The following STX8 variants were observed in gnomAD, a reference collection of about 807,000 sequenced individuals.
STX8 encodes the protein syntaxin-8.
A neutral mutation model predicts 37.5 loss-of-function variants in STX8; 23 were observed. The observed-to-expected ratio is 0.61, with a 90% CI of 0.44 to 0.87. The LOEUF is 0.87. Among genes scored for constraint, STX8 ranks in the 40% least tolerant of loss-of-function variants. STX8 has a pLI of 0.00. For missense variants in STX8, 313 were observed against 284.7 expected (o/e 1.10, Z -0.71); for synonymous variants, 115 against 99.1 (o/e 1.16, Z -0.95).
chr17:9,410,911 T>C (rs2142333402), intron 6 of STX8, among the ~76,000 whole-genome samples: 1 of 152,242 alleles, frequency 6.6e-6, no homozygotes, highest in Admixed American at 6.5e-5. Flanking sequence ...TCTCAAAAAA[T>C]CTCAACTCAT....
At chr17:9,480,077 C>A (rs1332639133) in intron 6 of STX8, among the ~76,000 whole-genome samples, 1 of 152,162 alleles carries the variant, frequency 6.6e-6, no homozygotes, top group Non-Finnish European at 1.5e-5. Flanking sequence ...TCAAACCATG[C>A]CAGTTCTTCT....
intron 7 of STX8, among the ~76,000 whole-genome samples, chr17:9,336,405 TC>T (rs1216084971): frequency 2.8e-4 from 42 of 151,700 alleles, no homozygotes; most frequent in East Asian, 5.8e-4. Flanking sequence ...TTCCCCTTCC[TC>T]CCTTCCTTCC....
intron 7 of STX8, among the ~76,000 whole-genome samples, chr17:9,353,502 T>C (rs564622229): frequency 2.6e-5 from 4 of 152,314 alleles, no homozygotes; most frequent in East Asian, 1.9e-4. Context: ...CCATGATACT[T>C]CCAATTCAAA....
intron 6 of STX8, among the ~76,000 whole-genome samples, chr17:9,438,949 C>T (rs944878632): frequency 6.6e-6 from 1 of 151,598 alleles, no homozygotes; most frequent in Non-Finnish European, 1.5e-5. Flanking sequence ...AAAACAACAA[C>T]AAAAAAAACC....
intron 6 of STX8, among the ~76,000 whole-genome samples, chr17:9,424,285 G>C (rs1202426033): frequency 6.6e-6 from 1 of 151,978 alleles, no homozygotes; most frequent in Admixed American, 6.6e-5. Context: ...CGCATTCCTC[G>C]TTCCCTGGGG....
chr17:9,388,674 A>C (rs531526873), intron 6 of STX8, among the ~76,000 whole-genome samples: 1 of 151,970 alleles, frequency 6.6e-6, no homozygotes, highest in East Asian at 2.0e-4. Flanking sequence ...GTGGTGGTGC[A>C]TGCCTGTAAT....
intron 5 of STX8, 58 bp from the exon 6 acceptor site, chr17:9,491,979 A>G (rs1219675051): frequency 9.6e-6 from 12 of 1,252,368 alleles, no homozygotes; most frequent in Non-Finnish European, 1.4e-5. Flanking sequence ...CTTAAAGTCC[A>G]TAAGTATACC....
At chr17:9,335,462 C>G (rs1363860335) in intron 7 of STX8, among the ~76,000 whole-genome samples, 1 of 152,146 alleles carries the variant, frequency 6.6e-6, no homozygotes, top group Admixed American at 6.5e-5. Context: ...AAGGTCTCAC[C>G]TCTTAAGACC....
At chr17:9,567,842 C>A (rs115790318) in intron 2 of STX8, among the ~76,000 whole-genome samples, 1 of 152,050 alleles carries the variant, frequency 6.6e-6, no homozygotes, top group African/African-American at 2.4e-5. Flanking sequence ...TGTGCCACCA[C>A]GCCTGGCTAG....
At chr17:9,537,478 T>C (rs970836989) in intron 4 of STX8, among the ~76,000 whole-genome samples, 2 of 152,206 alleles carry the variant, frequency 1.3e-5, no homozygotes, top group African/African-American at 2.4e-5. Flanking sequence ...CGGAGTCACC[T>C]TTACGTGACA....
At chr17:9,479,167 G>A (rs963461230) in intron 6 of STX8, among the ~76,000 whole-genome samples, 5 of 152,042 alleles carry the variant, frequency 3.3e-5, no homozygotes, top group African/African-American at 4.8e-5. Context: ...CCCCAAAAGT[G>A]GCTAAACTCT....
At chr17:9,266,071 C>G (rs1387344673) in intron 7 of STX8, among the ~76,000 whole-genome samples, 1 of 152,120 alleles carries the variant, frequency 6.6e-6, no homozygotes, top group African/African-American at 2.4e-5. Context: ...ACTAGGGTGC[C>G]TTCCTACACG....
At chr17:9,462,282 G>A (rs1207826043) in intron 6 of STX8, among the ~76,000 whole-genome samples, 1 of 152,174 alleles carries the variant, frequency 6.6e-6, no homozygotes. Flanking sequence ...GACAAGAAAG[G>A]CAGAAAGGAG....
chr17:9,289,787 C>CAAACA (rs1555589511), intron 7 of STX8, among the ~76,000 whole-genome samples: 1 of 150,612 alleles, frequency 6.6e-6, no homozygotes, highest in African/African-American at 2.4e-5. Context: ...CTCAAAAAAA[C>CAAACA]AAAAACAAAA....
At chr17:9,343,298 C>T (rs1910434912) in intron 7 of STX8, among the ~76,000 whole-genome samples, 1 of 152,114 alleles carries the variant, frequency 6.6e-6, no homozygotes, top group African/African-American at 2.4e-5. Flanking sequence ...GCTCAGTTTA[C>T]CCAGAGACAG....
At chr17:9,442,757 G>A in intron 6 of STX8, among the ~76,000 whole-genome samples, 1 of 152,106 alleles carries the variant, frequency 6.6e-6, no homozygotes, top group Non-Finnish European at 1.5e-5. Flanking sequence ...CAAAAGAAGT[G>A]AATAGTGGAG....
chr17:9,352,208 G>T (rs915269703), intron 7 of STX8, among the ~76,000 whole-genome samples: 3 of 150,438 alleles, frequency 2.0e-5, no homozygotes, highest in Non-Finnish European at 4.4e-5. Context: ...AATCCAGGTT[G>T]TCATACTCCT....
chr17:9,438,970 A>C (rs1904544183), intron 6 of STX8, among the ~76,000 whole-genome samples: 1 of 152,118 alleles, frequency 6.6e-6, no homozygotes, highest in Admixed American at 6.6e-5. Flanking sequence ...ATAGTCAAAC[A>C]AACATGGCTG....
At chr17:9,438,503 G>A (rs1904524846) in intron 6 of STX8, among the ~76,000 whole-genome samples, 1 of 152,084 alleles carries the variant, frequency 6.6e-6, no homozygotes, top group African/African-American at 2.4e-5. Flanking sequence ...GGGAAACACG[G>A]CTTTAGACCA....
Sources: allele counts gnomAD v4.1 joint callset (sites outside exome capture counted in the v4.1 genomes callset), GRCh38; gene constraint gnomAD v4.1.1; transcripts MANE v1.5; gene names NCBI Gene and HGNC (gene_info 2026-07-23, HGNC 2026-07-21).